The following RFTN1 variants were observed in gnomAD, a reference collection of about 807,000 sequenced individuals.
RFTN1 encodes the protein raftlin, lipid raft linker 1, also known as raftlin.
Under a neutral mutation model 46.5 loss-of-function variants are expected in RFTN1, and 26 were observed. The observed-to-expected ratio is 0.56, with a 90% CI of 0.41 to 0.78. The LOEUF is 0.78. Among genes scored for constraint, RFTN1 ranks in the 30% least tolerant of loss-of-function variants. The probability of loss-of-function intolerance (pLI) is 0.00; values close to 1 mark genes in which losing one functional copy is unlikely to be tolerated. For missense variants in RFTN1, 693 were observed against 718.7 expected (o/e 0.96, Z 0.41); for synonymous variants, 261 against 284.2 (o/e 0.92, Z 0.82).
chr3:16,439,212 C>G (rs917050428), intron 2 of RFTN1, among the ~76,000 whole-genome samples: 1 of 152,074 alleles, frequency 6.6e-6, no homozygotes, highest in African/African-American at 2.4e-5. Context: ...GAACCCTAAC[C>G]TTAAAAATAC....
In RFTN1 at chr3:16,460,972, C is replaced by T. The variant is rs767069332; in HGVS notation, c.146-26935G>A. On this transcript the variant is annotated intron_variant, in intron 2 of 9. Transcript: ENST00000334133. This position sits in a 1 kb window ranked among gnomAD's most constrained non-coding sequence, Gnocchi z 4.8. ...ATGTAAAATGAAGTCTCAGAACCCA[C>T]GGCTCAGCCATTTTGGAGAGTGAGA... Among the ~76,000 whole-genome samples, 2 of 152,232 alleles carry T rather than the reference C, an allele frequency of 1.3e-5. No individual in the cohort carries two copies. The highest frequency in any genetic ancestry group is 4.8e-5 in the African/African-American group (2 of 41,464).
rs1369068359 is a variant in RFTN1 at position 16,344,239 on chromosome 3, C to A, written c.1146+13693G>T. ...ATTGGGCTGGTTTTTGTCCAACATT[C>A]ATATACTAAGAAGTAACAGATTGGA... On this transcript the variant is annotated intron_variant, in intron 7 of 9. Coordinates refer to ENST00000334133, the MANE Select transcript of RFTN1 (RefSeq NM_015150.2). The surrounding 1 kb of genome is among the most constrained non-coding windows in gnomAD (Gnocchi z 4.4). Among the ~76,000 whole-genome samples the A allele has an allele frequency of 6.6e-6, 1 of 151,952 alleles. No individual in the cohort carries two copies. The highest frequency in any genetic ancestry group is 1.5e-5 in the Non-Finnish European group (1 of 68,010).
At chr3:16,394,890 T>G (rs1356429024) in intron 4 of RFTN1, among the ~76,000 whole-genome samples, 4 of 152,192 alleles carry the variant, frequency 2.6e-5, no homozygotes, top group Admixed American at 6.5e-5. Context: ...TTATGAATTT[T>G]AAAAGTGCTG....
At chr3:16,340,131 CCT>C (rs1469254164) in intron 7 of RFTN1, among the ~76,000 whole-genome samples, 54 of 152,322 alleles carry the variant, frequency 3.5e-4, no homozygotes, top group African/African-American at 1.2e-3. Flanking sequence ...TTGTTTCTTC[CCT>C]GTTTCTGTTC....
rs2076827505 is a variant in RFTN1 at position 16,507,607 on chromosome 3, C to CAT, written c.-9+5834_-9+5835insAT. The stretch of plus-strand genomic sequence containing the variant: ...AAAGTAGGGAGTTTCAAAACACACA[C>CAT]ACACACACACACACATACACACACA... On this transcript the variant is annotated intron_variant, in intron 1 of 9. Coordinates refer to ENST00000334133, the MANE Select transcript of RFTN1 (RefSeq NM_015150.2). This position sits in a 1 kb window ranked among gnomAD's most constrained non-coding sequence, Gnocchi z 7.1. Among the ~76,000 whole-genome samples the CAT allele has an allele frequency of 1.7e-5, 2 of 119,390 alleles. No homozygotes were observed. The highest frequency in any genetic ancestry group is 3.5e-5 in the Non-Finnish European group (2 of 57,894). 78.3% of individuals were successfully genotyped at this position (119,390 alleles called of 152,430 possible).
At chr3:16,367,763 G>GA (rs1374719544) in intron 6 of RFTN1, among the ~76,000 whole-genome samples, 5 of 152,338 alleles carry the variant, frequency 3.3e-5, no homozygotes, top group African/African-American at 9.6e-5. Flanking sequence ...ACGGGAAGTA[G>GA]AGGAGGCTAA....
chr3:16,365,669 A>G (rs1376811763), intron 6 of RFTN1, among the ~76,000 whole-genome samples: 1 of 151,794 alleles, frequency 6.6e-6, no homozygotes, highest in Non-Finnish European at 1.5e-5. Context: ...TGTGACCCCT[A>G]TGTGATGCAG....
chr3:16,500,438 T>C lies in RFTN1; in HGVS notation c.-8-6561A>G, dbSNP rs2076692501. 6.6e-6 allele frequency among the ~76,000 whole-genome samples: 1 copy of C among 152,060 alleles called. No individual in the cohort carries two copies. Among genetic ancestry groups the C allele is most frequent in the Admixed American group, 6.6e-5 (1 of 15,262 alleles). On this transcript the variant is annotated intron_variant, in intron 1 of 9. Coordinates refer to ENST00000334133, the MANE Select transcript of RFTN1 (RefSeq NM_015150.2). This position sits in a 1 kb window ranked among gnomAD's most constrained non-coding sequence, Gnocchi z 5.9. Reference sequence around the variant, plus strand: ...AAGAAGTCTTCAAAGGTAGAGGAAATGGAAGAGGTCTTTCCCCATTTCTAT... The same window carrying C: ...AAGAAGTCTTCAAAGGTAGAGGAAACGGAAGAGGTCTTTCCCCATTTCTAT...
chr3:16,389,838 G>A (rs1469638659), intron 4 of RFTN1, among the ~76,000 whole-genome samples: 1 of 152,146 alleles, frequency 6.6e-6, no homozygotes, highest in African/African-American at 2.4e-5. Context: ...TCCTTATGAC[G>A]GCCTCAACCA....
At chr3:16,333,993 G>A (rs558352523) in intron 7 of RFTN1, among the ~76,000 whole-genome samples, 2 of 152,036 alleles carry the variant, frequency 1.3e-5, no homozygotes, top group South Asian at 2.1e-4. Context: ...GTGAAACCCC[G>A]TCTCTACTAA....
At chr3:16,454,453 G>A (rs954980348) in intron 2 of RFTN1, among the ~76,000 whole-genome samples, 1 of 152,104 alleles carries the variant, frequency 6.6e-6, no homozygotes, top group African/African-American at 2.4e-5. Context: ...AATAACCAGG[G>A]CCATTGACTT....
In RFTN1 at chr3:16,345,843, CAT is replaced by C. The variant is rs1185765404; in HGVS notation, c.1146+12087_1146+12088del. 1.3e-5 allele frequency among the ~76,000 whole-genome samples: 1 copy of C among 77,574 alleles called. No individual in the cohort carries two copies. Among genetic ancestry groups the C allele is most frequent in the East Asian group, 2.8e-4 (1 of 3,628 alleles). The allele number at this position is 77,574 out of a possible 152,430, so 50.9% of individuals were successfully genotyped here. ...GCGCGCGCGCGTGCGCGCACGCGCA[CAT>C]GTGCATGTGTATGTGTATAATCTCC... is the stretch of plus-strand genomic sequence containing the variant. On this transcript the variant is annotated intron_variant, in intron 7 of 9. Coordinates refer to ENST00000334133, the MANE Select transcript of RFTN1 (RefSeq NM_015150.2). This position sits in a 1 kb window ranked among gnomAD's most constrained non-coding sequence, Gnocchi z 5.2.
At chr3:16,501,116 G>C (rs2076703700) in intron 1 of RFTN1, among the ~76,000 whole-genome samples, 1 of 152,112 alleles carries the variant, frequency 6.6e-6, no homozygotes, top group Non-Finnish European at 1.5e-5. Flanking sequence ...CAGGCTGAGT[G>C]ACAGAGCAAG....
Position 16,506,089 on chromosome 3 carries a change from A to T in RFTN1, c.-9+7353T>A, listed in dbSNP as rs999086208. ...TTTAAAGTATGCCAACTAGAAAACA[A>T]CAATGCAGGGGGGAGGGATAGCAAT... On this transcript the variant is annotated intron_variant, in intron 1 of 9. Transcript: ENST00000334133. This position sits in a 1 kb window ranked among gnomAD's most constrained non-coding sequence, Gnocchi z 4.8. Among the ~76,000 whole-genome samples, 4 of 152,232 alleles carry T rather than the reference A, an allele frequency of 2.6e-5. No individual in the cohort carries two copies. The highest frequency in any genetic ancestry group is 1.3e-4 in the Admixed American group (2 of 15,284).
Position 16,457,450 on chromosome 3 carries a change from T to C in RFTN1, c.146-23413A>G, listed in dbSNP as rs1398022080. On this transcript the variant is annotated intron_variant, in intron 2 of 9. Coordinates refer to ENST00000334133, the MANE Select transcript of RFTN1 (RefSeq NM_015150.2). The surrounding 1 kb of genome is among the most constrained non-coding windows in gnomAD (Gnocchi z 4.2). ...GAAGGGTTACATTTCTAGAACATAG[T>C]AGTACTCAATAAATGCCGGTTATCA... Among the ~76,000 whole-genome samples the C allele has an allele frequency of 6.6e-6, 1 of 152,190 alleles. No homozygotes were observed. Among genetic ancestry groups the C allele is most frequent in the African/African-American group, 2.4e-5 (1 of 41,430 alleles).
At chr3:16,487,674 C>T (rs566347951) in intron 2 of RFTN1, among the ~76,000 whole-genome samples, 2 of 152,290 alleles carry the variant, frequency 1.3e-5, no homozygotes, top group South Asian at 2.1e-4. Context: ...ACACAGATTG[C>T]TCTCCGTGCC....
intron 7 of RFTN1, among the ~76,000 whole-genome samples, chr3:16,328,735 T>G (rs1574989059): frequency 6.6e-6 from 1 of 152,176 alleles, no homozygotes; most frequent in African/African-American, 2.4e-5. Flanking sequence ...AATCTGTGTT[T>G]TAAAAAGCCC....
Position 16,380,454 on chromosome 3 carries a change from T to C in RFTN1, c.442-2352A>G, listed in dbSNP as rs371906413. Among the ~76,000 whole-genome samples the C allele has an allele frequency of 7.7e-4, 118 of 152,326 alleles. No individual in the cohort carries two copies. The highest frequency in any genetic ancestry group is 3.4e-3 in the Middle Eastern group (1 of 294). ...TTATCCTAGCCCTCCCCTTCCTCAC[T>C]GGGACTGGAGGAATTGGAGAGGCTT... is the stretch of plus-strand genomic sequence containing the variant. On this transcript the variant is annotated intron_variant, in intron 4 of 9. Coordinates refer to ENST00000334133, the MANE Select transcript of RFTN1 (RefSeq NM_015150.2). This position sits in a 1 kb window ranked among gnomAD's most constrained non-coding sequence, Gnocchi z 4.8.
At chr3:16,375,235 G>A (rs9851148) in intron 5 of RFTN1, among the ~76,000 whole-genome samples, 23,428 of 152,016 alleles carry the variant, frequency 0.15, 2,133 homozygotes, top group South Asian at 0.24. Context: ...GTGGGGGAGT[G>A]ACAGTGAGTG....
Sources: allele counts gnomAD v4.1 joint callset (sites outside exome capture counted in the v4.1 genomes callset), GRCh38; gene constraint gnomAD v4.1.1; non-coding constraint Gnocchi (gnomAD v3.1); transcripts MANE v1.5; gene names NCBI Gene and HGNC (gene_info 2026-07-23, HGNC 2026-07-21).